B4GALT1: variants seen among roughly 807,000 people sequenced by gnomAD.
B4GALT1 encodes the protein N-acetyllactosamine synthase.
Under a neutral mutation model 34.9 loss-of-function variants are expected in B4GALT1, and 16 were observed. The observed-to-expected ratio is 0.46, with a 90% CI of 0.31 to 0.70. The LOEUF (loss-of-function observed/expected upper bound fraction) is 0.70, where lower values mean the gene tolerates loss of function less well. B4GALT1 is among the 30% of genes least tolerant of loss of function. The pLI, the probability that B4GALT1 is intolerant of heterozygous loss-of-function variation, is 0.05. For missense variants in B4GALT1, 445 were observed against 530.5 expected (o/e 0.84, Z 1.58); for synonymous variants, 221 against 218.1 (o/e 1.01, Z -0.12).
At chr9:33,170,222 G>A (rs923616879), upstream of B4GALT1, among the ~76,000 whole-genome samples, 8 of 151,724 alleles carry the variant, frequency 5.3e-5, no homozygotes, top group African/African-American at 1.2e-4. Context: ...TGCCTGCCTC[G>A]GCCTCCCAAA....
intron 2 of B4GALT1, among the ~76,000 whole-genome samples, chr9:33,122,068 C>T (rs1840028496): frequency 6.6e-6 from 1 of 152,150 alleles, no homozygotes; most frequent in African/African-American, 2.4e-5. Flanking sequence ...AACTAAGGCC[C>T]AATACTTTGG....
At position 33,113,470 on chromosome 9, in the gene B4GALT1, A is replaced by G. The variant is rs1373057732; in HGVS notation, c.1181T>C (p.Ile394Thr). 1 of 1,614,068 alleles carries G rather than the reference A, an allele frequency of 6.2e-7. No individual in the cohort carries two copies. Among genetic ancestry groups the G allele is most frequent in the Non-Finnish European group, 8.5e-7 (1 of 1,180,044 alleles). ...YPLYTQITVD[I>T]GTPS Reference sequence around the variant, plus strand: ...ACCAAAACGCTAGCTCGGTGTCCCGATGTCCACTGTGATTTGGGTATACAA... The same window carrying G: ...ACCAAAACGCTAGCTCGGTGTCCCGGTGTCCACTGTGATTTGGGTATACAA... Residue 394 changes from isoleucine (I) to threonine (T), a missense_variant, in exon 6 of 6, where the codon ATC becomes ACC. Physicochemically the swap from Ile to Thr is moderately conservative, Grantham distance 89. Transcript: ENST00000379731.
chr9:33,156,975 CAG>C (rs1390969905), intron 1 of B4GALT1, among the ~76,000 whole-genome samples: 3 of 151,964 alleles, frequency 2.0e-5, no homozygotes, highest in African/African-American at 7.2e-5. Flanking sequence ...TTTGTGGACA[CAG>C]AGTGAATTCA....
chr9:33,134,715 G>A (rs1840241709), intron 2 of B4GALT1, among the ~76,000 whole-genome samples: 1 of 152,228 alleles, frequency 6.6e-6, no homozygotes, highest in African/African-American at 2.4e-5. Context: ...CCAGGGGCTG[G>A]CATGTAGGCA....
the B4GALT1 span, chr9:33,179,490 C>G: frequency 6.6e-6 from 1 of 152,220 alleles, no homozygotes; most frequent in Non-Finnish European, 1.5e-5. Flanking sequence ...ACAGGGAGCT[C>G]GCTATGTCAT....
chr9:33,107,785 A>T (rs1020489723), downstream of B4GALT1, among the ~76,000 whole-genome samples: 1 of 151,948 alleles, frequency 6.6e-6, no homozygotes, highest in African/African-American at 2.4e-5. Context: ...CTTGGAGCCC[A>T]TGGGGAGGGG....
intron 1 of B4GALT1, among the ~76,000 whole-genome samples, chr9:33,146,172 T>G (rs1370790491): frequency 6.6e-6 from 1 of 152,244 alleles, no homozygotes; most frequent in Non-Finnish European, 1.5e-5. Context: ...AAGAGGAATT[T>G]CTGCTTTCTT....
chr9:33,176,268 TTGTC>T, the B4GALT1 span, among the ~76,000 whole-genome samples: 1 of 152,198 alleles, frequency 6.6e-6, no homozygotes, highest in Non-Finnish European at 1.5e-5. Context: ...TGAACTATCT[TTGTC>T]TGTTTTAGCT....
At chr9:33,115,845 C>A (rs775649844) in intron 4 of B4GALT1, 146 bp downstream of exon 4, 30 of 1,024,966 alleles carry the variant, frequency 2.9e-5, no homozygotes, top group Non-Finnish European at 4.3e-5. Context: ...ACCTGCAGGA[C>A]CTGTAGGAAG....
intron 3 of B4GALT1, among the ~76,000 whole-genome samples, chr9:33,118,449 C>A (rs1352489647): frequency 6.6e-6 from 1 of 151,904 alleles, no homozygotes; most frequent in African/African-American, 2.4e-5. Flanking sequence ...TGCTTGAGCC[C>A]CCAGGAGTTC....
intron 1 of B4GALT1, among the ~76,000 whole-genome samples, chr9:33,154,920 G>A (rs1840575396): frequency 6.6e-6 from 1 of 152,092 alleles, no homozygotes; most frequent in Non-Finnish European, 1.5e-5. Context: ...GTGGCCTGGG[G>A]AAGCCAAAAG....
At chr9:33,130,408 C>A (rs1222976787) in intron 2 of B4GALT1, among the ~76,000 whole-genome samples, 1 of 151,360 alleles carries the variant, frequency 6.6e-6, no homozygotes, top group African/African-American at 2.4e-5. Context: ...TCTTGAAATC[C>A]ACGTCTCAGA....
At chr9:33,145,795 T>C (rs1299786638) in intron 1 of B4GALT1, among the ~76,000 whole-genome samples, 1 of 152,228 alleles carries the variant, frequency 6.6e-6, no homozygotes, top group Non-Finnish European at 1.5e-5. Flanking sequence ...CCCTGCGCTG[T>C]ACCCACGGGG....
intron 2 of B4GALT1, among the ~76,000 whole-genome samples, chr9:33,126,251 G>A (rs1214026363): frequency 2.0e-5 from 3 of 152,290 alleles, no homozygotes; most frequent in East Asian, 3.9e-4. Context: ...ACAGATCAGC[G>A]GCAGCAGAAG....
chr9:33,111,124 ACTGTGCCCTGG>A lies in B4GALT1; in HGVS notation c.*2319_*2329del, dbSNP rs1192655968. ...CGGACCAGGCAAACATCCAGGCCTA[ACTGTGCCCTGG>A]CTGTGCCTTGGGCCCAGGTGAGCCC... is the stretch of plus-strand genomic sequence containing the variant. On this transcript the variant is annotated 3_prime_UTR_variant, in exon 6 of 6. Coordinates refer to ENST00000379731, the MANE Select transcript of B4GALT1 (RefSeq NM_001497.4). 3 of 152,548 alleles carry A rather than the reference ACTGTGCCCTGG, an allele frequency of 2.0e-5. No homozygotes were observed. Among genetic ancestry groups the A allele is most frequent in the Non-Finnish European group, 4.4e-5 (3 of 68,036 alleles). The allele number at this position is 152,548 out of a possible 1,614,324, so 9.4% of individuals were successfully genotyped here.
At chr9:33,158,572 G>A (rs1419199258) in intron 1 of B4GALT1, among the ~76,000 whole-genome samples, 2 of 152,212 alleles carry the variant, frequency 1.3e-5, no homozygotes, top group African/African-American at 4.8e-5. Context: ...AGCAAGTAGA[G>A]GAAATCGCAG....
intron 2 of B4GALT1, chr9:33,104,877 A>C (rs1419793000): frequency 2.5e-6 from 1 of 397,952 alleles, no homozygotes; most frequent in Non-Finnish European, 4.9e-6. Flanking sequence ...GAGTGCAGTG[A>C]CGTGCTAAGT....
downstream of B4GALT1, among the ~76,000 whole-genome samples, chr9:33,109,211 G>A (rs752624246): frequency 1.3e-5 from 2 of 151,544 alleles, no homozygotes; most frequent in Non-Finnish European, 2.9e-5. Flanking sequence ...AGGCCTATGT[G>A]ATGAAGCTTC....
At chr9:33,133,807 CA>C (rs3837268) in intron 2 of B4GALT1, among the ~76,000 whole-genome samples, 33,890 of 152,104 alleles carry the variant, frequency 0.22, 4,479 homozygotes, top group South Asian at 0.29. Flanking sequence ...TTAACTCTGA[CA>C]CCTGGTCCCA....
Sources: gnomAD v4.1 joint callset for allele counts (sites outside exome capture counted in the v4.1 genomes callset) on GRCh38, gnomAD v4.1.1 for gene constraint, MANE v1.5 for transcripts, NCBI Gene and HGNC (gene_info 2026-07-23, HGNC 2026-07-21) for gene names.